The following SHROOM3 variants were observed in gnomAD, a reference collection of about 807,000 sequenced individuals.
SHROOM3 encodes the protein shroom family member 3.
Under a neutral mutation model 138.6 loss-of-function variants are expected in SHROOM3, and 47 were observed. That is an observed-to-expected ratio of 0.34 (90% confidence interval 0.27 to 0.43). The LOEUF (loss-of-function observed/expected upper bound fraction) is 0.43, where lower values mean the gene tolerates loss of function less well. SHROOM3 is among the 20% of genes least tolerant of loss of function. The pLI, the probability that SHROOM3 is intolerant of heterozygous loss-of-function variation, is 1.00. For synonymous variants in SHROOM3, 1,062 were observed against 1,063.3 expected (o/e 1.00, Z 0.02); for missense variants, 2,491 against 2,596.5 (o/e 0.96, Z 0.88).
chr4:76,553,161 GT>G (rs1733400213), intron 1 of SHROOM3, among the ~76,000 whole-genome samples: 1 of 151,062 alleles, frequency 6.6e-6, no homozygotes, highest in African/African-American at 2.5e-5. Context: ...GTTTTGTTTT[GT>G]TTTGTTTTGA....
chr4:76,507,422 G>A (rs1214313150), intron 1 of SHROOM3, among the ~76,000 whole-genome samples: 1 of 152,064 alleles, frequency 6.6e-6, no homozygotes, highest in African/African-American at 2.4e-5. Context: ...ATGTCTTTTT[G>A]ATCATAGCTG....
At chr4:76,457,149 T>C (rs66493323) in intron 1 of SHROOM3, among the ~76,000 whole-genome samples, 8,726 of 152,220 alleles carry the variant, frequency 0.057, 265 homozygotes, top group Middle Eastern at 0.075. Context: ...TTTGGATCTG[T>C]GTCCCCACCA....
At chr4:76,608,646 C>CATAGA (rs1734686081) in intron 2 of SHROOM3, among the ~76,000 whole-genome samples, 1 of 19,852 alleles carries the variant, frequency 5.0e-5, no homozygotes, top group African/African-American at 7.6e-5. Flanking sequence ...CATAGCATAG[C>CATAGA]ATAGCATAGC....
At chr4:76,653,595 T>G (rs980856637) in intron 2 of SHROOM3, among the ~76,000 whole-genome samples, 1 of 152,116 alleles carries the variant, frequency 6.6e-6, no homozygotes, top group Non-Finnish European at 1.5e-5. Context: ...AGACAGAGTC[T>G]CACTTTGTCA....
At chr4:76,643,393 C>A (rs913084181) in intron 2 of SHROOM3, among the ~76,000 whole-genome samples, 2 of 152,036 alleles carry the variant, frequency 1.3e-5, no homozygotes, top group Non-Finnish European at 2.9e-5. Flanking sequence ...AAAGCACTTG[C>A]CCAAGGTCAT....
intron 1 of SHROOM3, among the ~76,000 whole-genome samples, chr4:76,554,261 C>T (rs1311558819): frequency 1.3e-5 from 2 of 152,076 alleles, no homozygotes; most frequent in African/African-American, 4.8e-5. Flanking sequence ...TTTTAAGTTT[C>T]CTTCATGTTG....
At chr4:76,529,470 C>A (rs374320138) in intron 1 of SHROOM3, among the ~76,000 whole-genome samples, 1 of 152,148 alleles carries the variant, frequency 6.6e-6, no homozygotes, top group East Asian at 1.9e-4. Context: ...GCTCCCGCCA[C>A]CACACCCAGC....
chr4:76,722,815 G>T (rs1351866728), intron 3 of SHROOM3, among the ~76,000 whole-genome samples: 1 of 152,032 alleles, frequency 6.6e-6, no homozygotes, highest in Non-Finnish European at 1.5e-5. Flanking sequence ...GGATATGGGG[G>T]TGTTTGATTA....
chr4:76,774,705 T>C (rs1354687888), intron 10 of SHROOM3, among the ~76,000 whole-genome samples: 2 of 139,764 alleles, frequency 1.4e-5, no homozygotes, highest in Non-Finnish European at 3.1e-5. Flanking sequence ...CAGGGTTTTT[T>C]GGGGTTTTTT....
At chr4:76,553,712 G>C (rs919736502) in intron 1 of SHROOM3, among the ~76,000 whole-genome samples, 3 of 151,880 alleles carry the variant, frequency 2.0e-5, no homozygotes, top group Non-Finnish European at 2.9e-5. Context: ...GGTGGTCTTG[G>C]ACTCCTGAGC....
At chr4:76,678,117 A>G (rs1454578708) in intron 2 of SHROOM3, among the ~76,000 whole-genome samples, 1 of 152,236 alleles carries the variant, frequency 6.6e-6, no homozygotes, top group African/African-American at 2.4e-5. Context: ...GAGACTGCCA[A>G]CAAAAGTAAA....
chr4:76,483,881 C>G (rs1731672469), intron 1 of SHROOM3, among the ~76,000 whole-genome samples: 1 of 151,858 alleles, frequency 6.6e-6, no homozygotes, highest in African/African-American at 2.4e-5. Flanking sequence ...TCTCAGCAAA[C>G]TAACACAGTA....
At chr4:76,667,330 G>GT (rs927689198) in intron 2 of SHROOM3, among the ~76,000 whole-genome samples, 8 of 151,588 alleles carry the variant, frequency 5.3e-5, no homozygotes, top group South Asian at 2.1e-4. Context: ...GTTTTGTTTC[G>GT]TTTTTTTTAG....
chr4:76,653,019 A>T (rs902755014), intron 2 of SHROOM3, among the ~76,000 whole-genome samples: 2 of 152,002 alleles, frequency 1.3e-5, no homozygotes, highest in East Asian at 3.9e-4. Context: ...CCTCAGTAGG[A>T]CTTTTGCTAT....
At chr4:76,455,636 A>C (rs1384217232) in intron 1 of SHROOM3, among the ~76,000 whole-genome samples, 1 of 152,208 alleles carries the variant, frequency 6.6e-6, no homozygotes. Context: ...AAAAAAGAAT[A>C]ACCAAGGGTC....
chr4:76,579,269 C>G (rs1733998378), intron 2 of SHROOM3, among the ~76,000 whole-genome samples: 1 of 151,810 alleles, frequency 6.6e-6, no homozygotes, highest in African/African-American at 2.4e-5. Context: ...GAAATCGAGA[C>G]CATCCTGGCT....
chr4:76,654,295 T>C (rs954287836), intron 2 of SHROOM3, among the ~76,000 whole-genome samples: 1 of 152,180 alleles, frequency 6.6e-6, no homozygotes, highest in Non-Finnish European at 1.5e-5. Context: ...GGTAGACAGG[T>C]GACCTTGTCT....
intron 1 of SHROOM3, among the ~76,000 whole-genome samples, chr4:76,524,226 G>A (rs1461080230): frequency 2.0e-5 from 3 of 152,234 alleles, no homozygotes; most frequent in Admixed American, 1.3e-4. Context: ...AGATCCAGGA[G>A]AGCAGAGATG....
intron 2 of SHROOM3, among the ~76,000 whole-genome samples, chr4:76,556,073 G>A (rs1011224340): frequency 1.3e-5 from 2 of 152,082 alleles, no homozygotes; most frequent in Admixed American, 6.5e-5. Context: ...TCCCAGATGC[G>A]GTCAGAGCTC....
Sources: allele counts gnomAD v4.1 joint callset (sites outside exome capture counted in the v4.1 genomes callset), GRCh38; gene constraint gnomAD v4.1.1; transcripts MANE v1.5; gene names NCBI Gene and HGNC (gene_info 2026-07-23, HGNC 2026-07-21).